PARD3: variants seen among roughly 807,000 people sequenced by gnomAD.
PARD3 encodes partitioning defective 3 homolog.
In PARD3, 75 loss-of-function variants were observed where a neutral mutation model predicts 155.4. That is an observed-to-expected ratio of 0.48 (90% CI 0.40 to 0.58). PARD3 has a LOEUF of 0.58. Among genes scored for constraint, PARD3 ranks in the 20% least tolerant of loss-of-function variants. The pLI, the probability that PARD3 is intolerant of heterozygous loss-of-function variation, is 0.00. For synonymous variants in PARD3, 576 were observed against 610.5 expected (o/e 0.94, Z 0.83); for missense variants, 1,642 against 1,721.7 (o/e 0.95, Z 0.82).
At chr10:34,214,547 G>C (rs186897549) in intron 22 of PARD3, among the ~76,000 whole-genome samples, 2 of 152,184 alleles carry the variant, frequency 1.3e-5, no homozygotes, top group East Asian at 1.9e-4. Flanking sequence ...ATGAAAAGAA[G>C]TGGCTGATGC....
chr10:34,384,656 G>A (rs1290806152), intron 7 of PARD3, among the ~76,000 whole-genome samples: 1 of 152,168 alleles, frequency 6.6e-6, no homozygotes, highest in African/African-American at 2.4e-5. Flanking sequence ...AAAGACGACT[G>A]CAACTCCCAT....
Position 34,110,946 on chromosome 10 carries a change from A to G in PARD3, c.*223T>C. On this transcript the variant is annotated 3_prime_UTR_variant, in exon 25 of 25. Coordinates refer to ENST00000374788, the MANE Select transcript of PARD3 (RefSeq NM_001184785.2). ...AGCATATGAACACCTCAAACAGATGATTGTCACAGGGTGGGAAATCCTTCC... is the reference window on the plus strand; with the variant it reads ...AGCATATGAACACCTCAAACAGATGGTTGTCACAGGGTGGGAAATCCTTCC... The G allele has an allele frequency of 2.2e-6, 1 of 464,110 alleles. No individual in the cohort carries two copies. Among genetic ancestry groups the G allele is most frequent in the Non-Finnish European group, 3.8e-6 (1 of 265,534 alleles). The allele number at this position is 464,110 out of a possible 1,614,324, so 28.7% of individuals were successfully genotyped here.
chr10:34,348,066 G>T lies in PARD3; in HGVS notation c.2117C>A (p.Ala706Glu). Residue 706 changes from alanine (A) to glutamate (E), a missense_variant, in exon 15 of 25, where the codon GCG becomes GAG. By Grantham distance (107) the Ala-to-Glu change is moderately radical. Around this residue, in one of 3 missense-constraint regions of PARD3, gnomAD observed 1,529 missense variants for 1,587.3 expected, o/e 0.96. Coordinates refer to ENST00000374788, the MANE Select transcript of PARD3 (RefSeq NM_001184785.2). ...PPGPELPIETALDDRERRISH... is the reference protein window; with the variant it reads ...PPGPELPIETELDDRERRISH... ...AATTCTTCGTTCTCTATCATCCAAC[G>T]CTGTTTCAATGGGCAGCTCAGGTCC... 6.2e-7 allele frequency: 1 copy of T among 1,612,676 alleles called. No homozygotes were observed. The highest frequency in any genetic ancestry group is 1.3e-5 in the African/African-American group (1 of 74,960).
At chr10:34,545,110 T>C (rs768612481) in intron 2 of PARD3, among the ~76,000 whole-genome samples, 98 of 152,210 alleles carry the variant, frequency 6.4e-4, no homozygotes, top group Non-Finnish European at 1.1e-3. Flanking sequence ...CTTCAAAAAA[T>C]AGGAAGGGTG....
intron 21 of PARD3, among the ~76,000 whole-genome samples, chr10:34,273,830 G>A (rs1273241565): frequency 1.3e-5 from 2 of 151,886 alleles, no homozygotes; most frequent in South Asian, 2.1e-4. Flanking sequence ...CCCCACTCTT[G>A]GTTTCCAATT....
chr10:34,638,856 T>TAAA (rs2092573502), intron 2 of PARD3, among the ~76,000 whole-genome samples: 1 of 152,212 alleles, frequency 6.6e-6, no homozygotes, highest in Non-Finnish European at 1.5e-5. Context: ...TCCACAAACA[T>TAAA]TCTTTGTCTT....
intron 3 of PARD3, among the ~76,000 whole-genome samples, chr10:34,479,765 C>T (rs1651433709): frequency 6.6e-6 from 1 of 152,088 alleles, no homozygotes; most frequent in African/African-American, 2.4e-5. Flanking sequence ...CTGTACTCTA[C>T]AAGTCCTCCT....
At chr10:34,576,506 G>A (rs1043239476) in intron 2 of PARD3, among the ~76,000 whole-genome samples, 3 of 151,686 alleles carry the variant, frequency 2.0e-5, no homozygotes, top group Non-Finnish European at 4.4e-5. Context: ...GAAAAGAACA[G>A]GGACAAAAGA....
In PARD3 at chr10:34,554,877, C is replaced by G. The variant is rs639303; in HGVS notation, c.223-37718G>C. Among the ~76,000 whole-genome samples, 657 of 152,252 alleles carry G rather than the reference C, an allele frequency of 4.3e-3. 5 individuals carry two copies. The highest frequency in any genetic ancestry group is 0.015 in the African/African-American group (627 of 41,554). On this transcript the variant is annotated intron_variant, in intron 2 of 24. Coordinates refer to ENST00000374788, the MANE Select transcript of PARD3 (RefSeq NM_001184785.2). ...TGAAGAAATACCTAGACATCGAATA[C>G]TAAAATACTGAGATGACAGAGTCTA...
intron 4 of PARD3, among the ~76,000 whole-genome samples, chr10:34,469,802 T>C (rs1373497266): frequency 1.3e-5 from 2 of 152,138 alleles, no homozygotes; most frequent in Non-Finnish European, 2.9e-5. Flanking sequence ...ACATAATGTG[T>C]TGAATGTTTT....
intron 2 of PARD3, among the ~76,000 whole-genome samples, chr10:34,681,728 TTTTATATATATATATATA>T (rs1352420742): frequency 1.1e-4 from 7 of 65,566 alleles, no homozygotes; most frequent in African/African-American, 4.4e-4. Flanking sequence ...TACGTATGTA[TTTTATATATATATATATA>T]TATATATATA....
chr10:34,386,021 ATAAAT>A (rs1284689726), intron 7 of PARD3, among the ~76,000 whole-genome samples: 5 of 152,258 alleles, frequency 3.3e-5, no homozygotes, highest in African/African-American at 1.2e-4. Flanking sequence ...TGAAACTGAA[ATAAAT>A]TAAACTCAGA....
At chr10:34,257,572 G>T (rs1234392108) in intron 22 of PARD3, among the ~76,000 whole-genome samples, 1 of 152,200 alleles carries the variant, frequency 6.6e-6, no homozygotes, top group African/African-American at 2.4e-5. Flanking sequence ...AAGTTCAGTG[G>T]TCTATGAAGG....
intron 2 of PARD3, among the ~76,000 whole-genome samples, chr10:34,640,052 A>G (rs374658023): frequency 9.6e-4 from 146 of 152,312 alleles, no homozygotes; most frequent in African/African-American, 3.3e-3. Context: ...TATATTCAGA[A>G]CAGAAGAAAA....
chr10:34,501,860 G>C (rs1047839824), intron 3 of PARD3, among the ~76,000 whole-genome samples: 1 of 152,110 alleles, frequency 6.6e-6, no homozygotes, highest in Non-Finnish European at 1.5e-5. Context: ...AATGAATGTT[G>C]TGTCTACCAA....
chr10:34,699,117 T>C (rs571596675), intron 1 of PARD3, among the ~76,000 whole-genome samples: 29 of 152,308 alleles, frequency 1.9e-4, no homozygotes, highest in Admixed American at 5.2e-4. Context: ...TTTCTAATTT[T>C]GAGAGTCAAT....
chr10:34,304,419 G>A (rs756154284), intron 20 of PARD3, among the ~76,000 whole-genome samples: 1 of 151,986 alleles, frequency 6.6e-6, no homozygotes, highest in Non-Finnish European at 1.5e-5. Context: ...GGAATAAAAC[G>A]TGAAAGTCAG....
At chr10:34,323,495 A>G (rs1223485314) in intron 19 of PARD3, among the ~76,000 whole-genome samples, 5 of 152,222 alleles carry the variant, frequency 3.3e-5, no homozygotes, top group Non-Finnish European at 7.3e-5. Flanking sequence ...GGTATTGTAG[A>G]GTGGTTTCAG....
intron 22 of PARD3, among the ~76,000 whole-genome samples, chr10:34,267,090 C>T (rs1172512819): frequency 1.3e-5 from 2 of 150,908 alleles, no homozygotes; most frequent in Non-Finnish European, 2.9e-5. Context: ...ATGATGAGTG[C>T]TTTTATCAAC....
Sources: gnomAD v4.1 joint callset for allele counts (sites outside exome capture counted in the v4.1 genomes callset) on GRCh38, gnomAD v4.1.1 for gene constraint, gnomAD v4.1.1 regional missense constraint, MANE v1.5 for transcripts, NCBI Gene and HGNC (gene_info 2026-07-23, HGNC 2026-07-21) for gene names.